NBEA: variants seen among roughly 807,000 people sequenced by gnomAD.
The protein encoded by NBEA is lysosomal-trafficking regulator 2.
In NBEA, 44 loss-of-function variants were observed where a neutral mutation model predicts 343.4. The ratio of observed to expected loss-of-function variants is 0.13; its 90% CI spans 0.10 to 0.16. NBEA has a LOEUF of 0.16. NBEA is among the 10% of genes least tolerant of loss of function. The pLI, the probability that NBEA is intolerant of heterozygous loss-of-function variation, is 1.00. For synonymous variants in NBEA, 1,175 were observed against 1,238.7 expected, an observed-to-expected ratio of 0.95 and a Z score of 1.08; for missense variants, 2,555 against 3,631.3, an observed-to-expected ratio of 0.70 and a Z score of 7.62.
chr13:34,993,565 A>G (rs1322813831), intron 1 of NBEA, among the ~76,000 whole-genome samples: 2 of 152,184 alleles, frequency 1.3e-5, no homozygotes, highest in Non-Finnish European at 2.9e-5. Flanking sequence ...TAGTGTGGAG[A>G]CTATCCCTAC....
chr13:35,644,875 A>G (rs558692916), intron 49 of NBEA, among the ~76,000 whole-genome samples: 1 of 152,218 alleles, frequency 6.6e-6, no homozygotes, highest in Admixed American at 6.5e-5. Flanking sequence ...CACACTTGTG[A>G]GTAGACACCA....
chr13:35,207,515 C>CT (rs2073475778), intron 31 of NBEA, among the ~76,000 whole-genome samples: 1 of 152,050 alleles, frequency 6.6e-6, no homozygotes, highest in South Asian at 2.1e-4. Flanking sequence ...GTGCTATAAA[C>CT]TTTGAGAAGA....
chr13:35,243,894 A>G (rs1216277452), intron 34 of NBEA, among the ~76,000 whole-genome samples: 5 of 151,912 alleles, frequency 3.3e-5, no homozygotes, highest in African/African-American at 9.7e-5. Context: ...CTATAGATCA[A>G]TTGGACTTAA....
intron 1 of NBEA, among the ~76,000 whole-genome samples, chr13:34,996,482 A>G (rs73485795): frequency 0.082 from 10,729 of 130,288 alleles, 442 homozygotes; most frequent in African/African-American, 0.1. Flanking sequence ...GTGTGTGTGT[A>G]TATATATAAT....
chr13:35,568,994 A>G (rs1288946605), intron 45 of NBEA, among the ~76,000 whole-genome samples: 4 of 152,184 alleles, frequency 2.6e-5, no homozygotes, highest in Non-Finnish European at 5.9e-5. Flanking sequence ...ATCAATAATA[A>G]TAGGGTTGTT....
intron 30 of NBEA, chr13:35,186,698 A>G (rs534995594): frequency 1.3e-5 from 2 of 152,292 alleles, no homozygotes; most frequent in Non-Finnish European, 2.9e-5. Flanking sequence ...AACTTTATTT[A>G]TAATCGCAGT....
intron 3 of NBEA, 62 bp from the exon 4 acceptor site, chr13:35,045,244 G>T: frequency 2.2e-6 from 3 of 1,357,206 alleles, no homozygotes; most frequent in African/African-American, 1.5e-5. Flanking sequence ...GGGTAACATG[G>T]TATATTAAGT....
intron 38 of NBEA, among the ~76,000 whole-genome samples, chr13:35,400,557 G>A (rs2042957985): frequency 6.6e-6 from 1 of 151,882 alleles, no homozygotes; most frequent in Non-Finnish European, 1.5e-5. Flanking sequence ...AAAGTGAGAG[G>A]AAAGAACCTT....
intron 34 of NBEA, among the ~76,000 whole-genome samples, chr13:35,285,799 AG>A (rs1018225067): frequency 6.6e-6 from 1 of 152,096 alleles, no homozygotes; most frequent in Admixed American, 6.6e-5. Context: ...AAAATCCTGT[AG>A]TGGCTCCCTG....
intron 38 of NBEA, among the ~76,000 whole-genome samples, chr13:35,394,303 A>T (rs1020324165): frequency 6.6e-6 from 1 of 152,154 alleles, no homozygotes; most frequent in African/African-American, 2.4e-5. Context: ...CACAAGGGAA[A>T]GTGCATTTTG....
intron 40 of NBEA, among the ~76,000 whole-genome samples, chr13:35,464,190 G>C (rs1016306244): frequency 6.6e-6 from 1 of 152,136 alleles, no homozygotes; most frequent in Non-Finnish European, 1.5e-5. Flanking sequence ...GTAAACCCCA[G>C]TGCTCTGCAC....
chr13:35,009,109 A>T (rs2061405183), intron 1 of NBEA, among the ~76,000 whole-genome samples: 1 of 152,120 alleles, frequency 6.6e-6, no homozygotes, highest in African/African-American at 2.4e-5. Flanking sequence ...TTCCCAGCTC[A>T]TTGGAATTAG....
chr13:35,423,108 C>T (rs2044404551), intron 38 of NBEA, among the ~76,000 whole-genome samples: 1 of 152,144 alleles, frequency 6.6e-6, no homozygotes, highest in East Asian at 1.9e-4. Context: ...TGTCTGTTCA[C>T]TCTGATGGTA....
At chr13:35,366,981 CA>C (rs1005816887) in intron 38 of NBEA, among the ~76,000 whole-genome samples, 4 of 151,062 alleles carry the variant, frequency 2.6e-5, no homozygotes, top group African/African-American at 9.7e-5. Context: ...TCATATGTAA[CA>C]AAAAAATGGC....
At chr13:35,476,832 C>G in intron 41 of NBEA, 24 of 1,010,072 alleles carry the variant, frequency 2.4e-5, no homozygotes, top group Non-Finnish European at 2.9e-5. Context: ...GGCACACAAA[C>G]TAAAGGTAGG....
intron 25 of NBEA, among the ~76,000 whole-genome samples, chr13:35,170,480 G>A (rs957311426): frequency 6.6e-6 from 1 of 151,652 alleles, no homozygotes; most frequent in African/African-American, 2.4e-5. Flanking sequence ...TATAGTCCAT[G>A]GTGCAAAACA....
chr13:35,526,215 A>G (rs1484882850), intron 41 of NBEA, among the ~76,000 whole-genome samples: 1 of 152,218 alleles, frequency 6.6e-6, no homozygotes, highest in African/African-American at 2.4e-5. Context: ...TGTTTTGTAG[A>G]TATTTTAAAT....
At chr13:35,115,296 A>G (rs2066438933) in intron 13 of NBEA, among the ~76,000 whole-genome samples, 1 of 152,060 alleles carries the variant, frequency 6.6e-6, no homozygotes, top group African/African-American at 2.4e-5. Context: ...ACAAAGTGGT[A>G]TAATTACATA....
chr13:35,175,043 G>A (rs934855356), intron 27 of NBEA, among the ~76,000 whole-genome samples: 8 of 151,956 alleles, frequency 5.3e-5, no homozygotes, highest in African/African-American at 1.9e-4. Flanking sequence ...ACTCACCTTG[G>A]CCTCCCAAAG....
Sources: allele counts gnomAD v4.1 joint callset (sites outside exome capture counted in the v4.1 genomes callset), GRCh38; gene constraint gnomAD v4.1.1; transcripts MANE v1.5; gene names NCBI Gene and HGNC (gene_info 2026-07-23, HGNC 2026-07-21).